Variants in GRIP1 observed in about 807,000 individuals in gnomAD.
GRIP1 encodes glutamate receptor-interacting protein 1.
GRIP1 carries 45 observed loss-of-function variants against 129.9 expected under a neutral mutation model. That is an observed-to-expected ratio of 0.35 (90% CI 0.27 to 0.44). GRIP1 has a LOEUF of 0.44. Ranked by LOEUF, GRIP1 falls within the 20% of genes least tolerant of loss-of-function variation. GRIP1 has a pLI of 1.00. For missense variants in GRIP1, 1,196 were observed against 1,396.8 expected (o/e 0.86, Z 2.29); for synonymous variants, 530 against 520.8 (o/e 1.02, Z -0.24).
chr12:66,534,125 T>C (rs186606822), intron 4 of GRIP1, among the ~76,000 whole-genome samples: 32 of 152,336 alleles, frequency 2.1e-4, no homozygotes, highest in African/African-American at 7.5e-4. Flanking sequence ...ATCCGATTAC[T>C]TTCTTCAAAT....
intron 7 of GRIP1, among the ~76,000 whole-genome samples, chr12:66,489,778 C>T (rs1333334672): frequency 6.6e-6 from 1 of 152,122 alleles, no homozygotes; most frequent in Non-Finnish European, 1.5e-5. Flanking sequence ...TCTCAGGATA[C>T]AAAACCAATG....
intron 1 of GRIP1, among the ~76,000 whole-genome samples, chr12:66,656,193 A>C (rs2033145187): frequency 6.6e-6 from 1 of 152,234 alleles, no homozygotes; most frequent in African/African-American, 2.4e-5. Context: ...TGTCAAATGA[A>C]TAAATGAACA....
intron 14 of GRIP1, among the ~76,000 whole-genome samples, chr12:66,425,492 T>C (rs187608240): frequency 6.6e-6 from 1 of 152,338 alleles, no homozygotes; most frequent in Admixed American, 6.5e-5. Context: ...CAAAGGATTA[T>C]AAATCATGCT....
chr12:66,753,569 A>G (rs1213611925), intron 1 of GRIP1, among the ~76,000 whole-genome samples: 1 of 152,178 alleles, frequency 6.6e-6, no homozygotes, highest in Non-Finnish European at 1.5e-5. Flanking sequence ...AGCATTATTT[A>G]CCTTAACCAA....
rs1020720396 is a variant in GRIP1, at chr12:66,372,149, A to C, written c.2779-222T>G. On this transcript the variant is annotated intron_variant, in intron 22 of 24. Transcript: ENST00000359742. ...CATCTCAAATCCAATTTAAGTACTT[A>C]AGCCATTGAGTTTATTTAATCAAAT... is the stretch of plus-strand genomic sequence containing the variant. 3 of 600,612 alleles carry C rather than the reference A, an allele frequency of 5.0e-6. No homozygotes were observed. In the African/African-American group the frequency reaches 5.6e-5, roughly 11 times the overall value. 37.2% of individuals were successfully genotyped at this position (600,612 alleles called of 1,614,324 possible).
chr12:66,667,709 G>A (rs1194190446), intron 1 of GRIP1, among the ~76,000 whole-genome samples: 1 of 152,126 alleles, frequency 6.6e-6, no homozygotes, highest in African/African-American at 2.4e-5. Flanking sequence ...CTTTCTTGGG[G>A]GGTCATCACT....
At chr12:66,547,992 TA>T (rs2061999217) in intron 2 of GRIP1, among the ~76,000 whole-genome samples, 1 of 152,198 alleles carries the variant, frequency 6.6e-6, no homozygotes, top group Non-Finnish European at 1.5e-5. Context: ...ATTAGGAGTT[TA>T]ATTTTTTAAA....
intron 1 of GRIP1, among the ~76,000 whole-genome samples, chr12:67,046,760 A>G (rs1484537418): frequency 6.6e-6 from 1 of 152,228 alleles, no homozygotes; most frequent in Non-Finnish European, 1.5e-5. Context: ...TAAGTATGGA[A>G]CATAATTAAA....
Position 66,527,819 on chromosome 12 carries a change from G to A in GRIP1, c.502+2012C>T, listed in dbSNP as rs557864988. Reference sequence around the variant, plus strand: ...GAGGCCTATTTGAGGGTGGAGGTTGGAGGGTGGGAGGAGGAGGAGGATGAG... The same window carrying A: ...GAGGCCTATTTGAGGGTGGAGGTTGAAGGGTGGGAGGAGGAGGAGGATGAG... On this transcript the variant is annotated intron_variant, in intron 5 of 24. Transcript: ENST00000359742. Among the ~76,000 whole-genome samples, 8 of 152,202 alleles carry A rather than the reference G, an allele frequency of 5.3e-5. No individual in the cohort carries two copies. The South Asian group carries it at 1.2e-3, about 24-fold the overall frequency.
intron 1 of GRIP1, among the ~76,000 whole-genome samples, chr12:66,974,945 C>T (rs538462118): frequency 6.6e-6 from 1 of 152,162 alleles, no homozygotes; most frequent in Non-Finnish European, 1.5e-5. Flanking sequence ...TGTTGCCATC[C>T]ACTGCAATTT....
In GRIP1 at chr12:66,392,764, A is replaced by G. The variant is rs1208186030; in HGVS notation, c.2182T>C (p.Leu728=). The G allele has an allele frequency of 6.2e-7, 1 of 1,614,088 alleles. No homozygotes were observed. The highest frequency in any genetic ancestry group is 1.3e-5 in the African/African-American group (1 of 75,040). Residue 728 remains leucine, a synonymous_variant, in exon 18 of 25, where the codon TTG becomes CTG. Transcript: ENST00000359742. The part of the protein sequence containing the change: ...DRILAINSSS[L]KGKPLSEAIH... ...GCTTCACTCAGAGGCTTCCCTTTCA[A>G]GCTGCTGCTATTGATGGCTAGGATT...
chr12:66,489,716 C>T (rs1310205205), intron 7 of GRIP1, among the ~76,000 whole-genome samples: 5 of 152,130 alleles, frequency 3.3e-5, no homozygotes, highest in African/African-American at 1.2e-4. Context: ...TGAGAATACT[C>T]CATCATCTCA....
intron 1 of GRIP1, among the ~76,000 whole-genome samples, chr12:66,980,949 T>C (rs980649484): frequency 1.3e-5 from 2 of 152,216 alleles, no homozygotes; most frequent in African/African-American, 4.8e-5. Flanking sequence ...ACTAGACAAC[T>C]AAAGGACCCA....
At chr12:66,556,923 G>T (rs2062355253) in intron 2 of GRIP1, among the ~76,000 whole-genome samples, 2 of 151,010 alleles carry the variant, frequency 1.3e-5, no homozygotes, top group Admixed American at 1.3e-4. Flanking sequence ...AAAAAAATAA[G>T]ACCACAAAAC....
chr12:66,827,861 AT>A (rs1764645041), intron 1 of GRIP1, among the ~76,000 whole-genome samples: 1 of 152,216 alleles, frequency 6.6e-6, no homozygotes, highest in East Asian at 1.9e-4. Flanking sequence ...ATTCTTTTTC[AT>A]AAAAACATAT....
chr12:66,640,812 C>T (rs2031856053), intron 1 of GRIP1, among the ~76,000 whole-genome samples: 1 of 152,184 alleles, frequency 6.6e-6, no homozygotes. Context: ...TCTCCCAAAG[C>T]ATATTTTCTG....
In GRIP1 at chr12:66,541,899, G is replaced by A. The variant is rs749512056; in HGVS notation, c.188C>T (p.Thr63Ile). The change falls in exon 3 of 25, where the codon ACC becomes ATC. Residue 63 changes from threonine (T) to isoleucine (I), a missense_variant. This residue lies in a region of GRIP1 where 217 missense variants were observed against 224.8 expected (regional missense o/e 0.97). Coordinates refer to ENST00000359742, the MANE Select transcript of GRIP1 (RefSeq NM_001366722.1). ...TCCTCCCGATACCGTCAGACCCAGG[G>A]TAGTGCCTTCCTTCTTCATCAGCTC... ...VVELMKKEGT[T>I]LGLTVSGGID... The A allele has an allele frequency of 3.7e-6, 6 of 1,613,716 alleles. No homozygotes were observed. The highest frequency in any genetic ancestry group is 8.5e-7 in the Non-Finnish European group (1 of 1,179,736).
At chr12:66,903,368 A>C (rs1307826354) in intron 1 of GRIP1, among the ~76,000 whole-genome samples, 1 of 151,594 alleles carries the variant, frequency 6.6e-6, no homozygotes, top group Non-Finnish European at 1.5e-5. Flanking sequence ...CCTCCCATTA[A>C]ATGTTTTGTA....
intron 1 of GRIP1, among the ~76,000 whole-genome samples, chr12:66,656,030 C>T (rs560311201): frequency 1.6e-4 from 25 of 152,168 alleles, no homozygotes; most frequent in East Asian, 3.9e-4. Flanking sequence ...ATTGATTTGA[C>T]ACCTATAAAT....
Sources: gnomAD v4.1 joint callset for allele counts (sites outside exome capture counted in the v4.1 genomes callset) on GRCh38, gnomAD v4.1.1 for gene constraint, gnomAD v4.1.1 regional missense constraint, MANE v1.5 for transcripts, NCBI Gene and HGNC (gene_info 2026-07-23, HGNC 2026-07-21) for gene names.